Variants in IL4I1 observed in about 807,000 individuals in gnomAD.
IL4I1 encodes interleukin 4 induced 1.
IL4I1 carries 24 observed loss-of-function variants against 29.7 expected under a neutral mutation model. That is an observed-to-expected ratio of 0.81 (90% CI 0.59 to 1.14). IL4I1 has a LOEUF of 1.14. IL4I1 is among the 50% of genes most tolerant of loss of function. The pLI, the probability that IL4I1 is intolerant of heterozygous loss-of-function variation, is 0.00. For synonymous variants in IL4I1, 371 were observed against 352.5 expected, an observed-to-expected ratio of 1.05 and a Z score of -0.59; for missense variants, 686 against 785.6, an observed-to-expected ratio of 0.87 and a Z score of 1.52.
At chr19:49,916,915 C>T (rs980378792) in intron 2 of IL4I1, among the ~76,000 whole-genome samples, 3 of 152,168 alleles carry the variant, frequency 2.0e-5, no homozygotes, top group Admixed American at 6.5e-5. Context: ...AGCGAGACCC[C>T]GTCTCAAACA....
upstream of IL4I1, among the ~76,000 whole-genome samples, chr19:49,899,299 C>T (rs1426144915): frequency 6.6e-6 from 1 of 152,206 alleles, no homozygotes; most frequent in Admixed American, 6.5e-5. Flanking sequence ...GCACCAATCC[C>T]CTTGTCCTTA....
intron 2 of IL4I1, among the ~76,000 whole-genome samples, chr19:49,923,828 C>G (rs1425726967): frequency 6.6e-6 from 1 of 152,262 alleles, no homozygotes; most frequent in Non-Finnish European, 1.5e-5. Context: ...ACCCAGCAGG[C>G]TGGCTCTAGG....
chr19:49,912,523 G>T (rs1726313256), intron 2 of IL4I1, among the ~76,000 whole-genome samples: 2 of 152,070 alleles, frequency 1.3e-5, no homozygotes, highest in South Asian at 4.2e-4. Context: ...AGGTGCCAGG[G>T]ATCTATTCAC....
At chr19:49,918,912 G>GGGGGGGGGGGGGGGGGA in intron 2 of IL4I1, among the ~76,000 whole-genome samples, 1 of 142,552 alleles carries the variant, frequency 7.0e-6, no homozygotes, top group African/African-American at 2.6e-5. Flanking sequence ...GGGGGGGCGG[G>GGGGGGGGGGGGGGGGGA]GTGTGGGGGG....
intron 2 of IL4I1, among the ~76,000 whole-genome samples, chr19:49,914,264 T>C (rs1412027567): frequency 1.3e-5 from 2 of 152,164 alleles, no homozygotes; most frequent in Non-Finnish European, 2.9e-5. Context: ...GGGGAGAGTT[T>C]CCTTACCAAA....
At chr19:49,895,215 G>C in intron 3 of IL4I1, 35 bp from the exon 4 acceptor site, 1 of 1,561,148 alleles carries the variant, frequency 6.4e-7, no homozygotes, top group South Asian at 1.1e-5. Context: ...GGGCCCTTCA[G>C]CTCCACCCAC....
chr19:49,896,103 G>A, intron 2 of IL4I1, 45 bp downstream of exon 2: 1 of 1,583,364 alleles, frequency 6.3e-7, no homozygotes, highest in African/African-American at 1.4e-5. Context: ...TCGGGGGAGA[G>A]GGGTTCTACT....
intron 2 of IL4I1, among the ~76,000 whole-genome samples, chr19:49,926,792 T>TA (rs1051794790): frequency 4.9e-4 from 75 of 152,174 alleles, no homozygotes; most frequent in African/African-American, 1.6e-3. Context: ...TCCCAGGCGT[T>TA]AGTCTAACTG....
Position 49,921,980 on chromosome 19 carries a change from CCCAGG to C in IL4I1, c.-228+5709_-228+5713del, listed in dbSNP as rs527802719. Among the ~76,000 whole-genome samples, 51 of 152,310 alleles carry C rather than the reference CCCAGG, an allele frequency of 3.3e-4. No individual in the cohort carries two copies. The highest frequency in any genetic ancestry group is 1.2e-3 in the South Asian group (6 of 4,834). On this transcript the variant is annotated intron_variant, in intron 2 of 9. Transcript: ENST00000341114. This position sits in a 1 kb window ranked among gnomAD's most constrained non-coding sequence, Gnocchi z 5.4. ...AGCCCCGACGGCAGGGCCCTAGGGC[CCCAGG>C]CCAGGCCACCACGACCACGAGGGAC...
At chr19:49,914,443 C>T (rs1290334376) in intron 2 of IL4I1, among the ~76,000 whole-genome samples, 1 of 152,212 alleles carries the variant, frequency 6.6e-6, no homozygotes, top group African/African-American at 2.4e-5. Flanking sequence ...AGAAGCGCTG[C>T]CTTGAGGTCA....
intron 2 of IL4I1, among the ~76,000 whole-genome samples, chr19:49,913,696 C>T (rs1400377805): frequency 6.6e-6 from 1 of 152,224 alleles, no homozygotes; most frequent in Non-Finnish European, 1.5e-5. Flanking sequence ...ATCATTTCTC[C>T]ATAATAAACC....
intron 2 of IL4I1, chr19:49,909,403 T>C: frequency 6.2e-7 from 1 of 1,613,822 alleles, no homozygotes; most frequent in Non-Finnish European, 8.5e-7. Flanking sequence ...CGGTGGGTGC[T>C]GTGCCCTGGC....
chr19:49,895,067 C>T lies in IL4I1; in HGVS notation c.365+1G>A. 6.2e-7 allele frequency: 1 copy of T among 1,612,518 alleles called. No individual in the cohort carries two copies. Among genetic ancestry groups the T allele is most frequent in the South Asian group, 1.1e-5 (1 of 91,036 alleles). ...CACAGGTGGGTGGGTTGCTAGGTCA[C>T]CTGTGAGAGCTGGGCATGCGCATGG... On this transcript the variant is annotated splice_donor_variant, in intron 4 of 7. Coordinates refer to ENST00000391826, the MANE Select transcript of IL4I1 (RefSeq NM_152899.2). LOFTEE classifies it high-confidence loss of function.
chr19:49,890,459 G>T lies in IL4I1; in HGVS notation c.915C>A (p.Pro305=). 1 of 1,612,014 alleles carries T rather than the reference G, an allele frequency of 6.2e-7. No homozygotes were observed. ...HDVHVQIETS[P]PARNLKVLKA... Reference sequence around the variant, plus strand: ...TCAGCACCTTCAGATTCCGCGCCGGGGGAGAGGTCTCGATCTGCACGTGCA... The same window carrying T: ...TCAGCACCTTCAGATTCCGCGCCGGTGGAGAGGTCTCGATCTGCACGTGCA... The change falls in exon 8 of 8, where the codon CCC becomes CCA. Residue 305 remains proline (P), a synonymous_variant. Coordinates refer to ENST00000391826, the MANE Select transcript of IL4I1 (RefSeq NM_152899.2).
chr19:49,922,429 C>A (rs2075787168), intron 2 of IL4I1, among the ~76,000 whole-genome samples: 1 of 152,130 alleles, frequency 6.6e-6, no homozygotes, highest in South Asian at 2.1e-4. Context: ...GAAACACTGT[C>A]CTCCCCTCCT....
intron 2 of IL4I1, among the ~76,000 whole-genome samples, chr19:49,904,791 G>A (rs1230397869): frequency 6.6e-6 from 1 of 151,818 alleles, no homozygotes; most frequent in African/African-American, 2.4e-5. Context: ...CTCACTGTAA[G>A]CTCCGCCTCC....
chr19:49,908,902 G>C, intron 2 of IL4I1: 2 of 1,608,372 alleles, frequency 1.2e-6, no homozygotes, highest in Non-Finnish European at 1.7e-6. Context: ...TATTGCTGGG[G>C]ATCCCGGCTG....
At chr19:49,925,059 C>T (rs530080430) in intron 2 of IL4I1, among the ~76,000 whole-genome samples, 4 of 151,930 alleles carry the variant, frequency 2.6e-5, no homozygotes, top group East Asian at 1.9e-4. Context: ...TTCGGGAGTT[C>T]GAGACCAGCC....
At chr19:49,918,895 T>TGGGGGGGGGG (rs56129490) in intron 2 of IL4I1, among the ~76,000 whole-genome samples, 75 of 72,328 alleles carry the variant, frequency 1.0e-3, no homozygotes, top group African/African-American at 1.4e-3. Flanking sequence ...TTTGGGAGGC[T>TGGGGGGGGGG]GGGGGGGGGG....
Sources: gnomAD v4.1 joint callset for allele counts (sites outside exome capture counted in the v4.1 genomes callset) on GRCh38, gnomAD v4.1.1 for gene constraint, Gnocchi (gnomAD v3.1) non-coding constraint, MANE v1.5 for transcripts, NCBI Gene and HGNC (gene_info 2026-07-23, HGNC 2026-07-21) for gene names.